CTNNA3: variants seen among roughly 807,000 people sequenced by gnomAD.
The protein encoded by CTNNA3 is catenin alpha-3.
A neutral mutation model predicts 95.7 loss-of-function variants in CTNNA3; 76 were observed. The observed-to-expected ratio is 0.79, with a 90% CI of 0.66 to 0.96. The LOEUF is 0.96. Ranked by LOEUF, CTNNA3 falls within the 40% of genes least tolerant of loss-of-function variation. The pLI, the probability that CTNNA3 is intolerant of heterozygous loss-of-function variation, is 0.00. For missense variants in CTNNA3, 1,191 were observed against 1,089.8 expected, an observed-to-expected ratio of 1.09 and a Z score of -1.31; for synonymous variants, 431 against 374.4, an observed-to-expected ratio of 1.15 and a Z score of -1.74.
chr10:67,700,438 G>A (rs1238096736), upstream of CTNNA3, among the ~76,000 whole-genome samples: 2 of 152,166 alleles, frequency 1.3e-5, no homozygotes, highest in Admixed American at 1.3e-4. Context: ...ACTTGCAGAG[G>A]AACGATCAGA....
chr10:66,120,926 A>G lies in CTNNA3; in HGVS notation c.1885-17677T>C, dbSNP rs1473093052. On this transcript the variant is annotated intron_variant, in intron 13 of 17. Transcript: ENST00000433211. ...GATTGTGCACTCCTTGTTGTCCCCT[A>G]ATGCACATGGAAGTATGCAACAGAA... Among the ~76,000 whole-genome samples the G allele has an allele frequency of 5.3e-5, 8 of 152,304 alleles. No individual in the cohort carries two copies. The East Asian group carries it at 1.5e-3, about 29-fold the overall frequency.
At chr10:66,241,687 C>A in intron 13 of CTNNA3, among the ~76,000 whole-genome samples, 1 of 136,416 alleles carries the variant, frequency 7.3e-6, no homozygotes, top group Admixed American at 7.8e-5. Context: ...AATGATATGG[C>A]TATAGAAAGA....
chr10:66,626,888 A>G (rs1190140080), intron 9 of CTNNA3, among the ~76,000 whole-genome samples: 1 of 151,916 alleles, frequency 6.6e-6, no homozygotes, highest in African/African-American at 2.4e-5. Flanking sequence ...CTCCCAGGTG[A>G]TTCTGATATA....
At chr10:66,745,932 T>C (rs1838851622) in intron 9 of CTNNA3, among the ~76,000 whole-genome samples, 1 of 152,040 alleles carries the variant, frequency 6.6e-6, no homozygotes, top group South Asian at 2.1e-4. Context: ...GCTGATAACA[T>C]AGCTGGGAAG....
chr10:67,022,100 G>A (rs1853056081), intron 7 of CTNNA3, among the ~76,000 whole-genome samples: 1 of 152,150 alleles, frequency 6.6e-6, no homozygotes, highest in Non-Finnish European at 1.5e-5. Flanking sequence ...CTTCCCTGAA[G>A]TAGCTTGTAT....
intron 13 of CTNNA3, among the ~76,000 whole-genome samples, chr10:66,163,930 G>A (rs1383507549): frequency 6.6e-6 from 1 of 152,138 alleles, no homozygotes; most frequent in Admixed American, 6.5e-5. Flanking sequence ...TAAGTACCAT[G>A]GAAGTGTTTG....
chr10:66,454,048 C>T (rs532833604), intron 11 of CTNNA3, among the ~76,000 whole-genome samples: 1 of 131,302 alleles, frequency 7.6e-6, no homozygotes, highest in Admixed American at 7.6e-5. Flanking sequence ...AGTAGGTCAG[C>T]GTGATGAGTT....
At chr10:66,744,789 C>A (rs1421888813) in intron 9 of CTNNA3, among the ~76,000 whole-genome samples, 2 of 152,050 alleles carry the variant, frequency 1.3e-5, no homozygotes, top group Non-Finnish European at 1.5e-5. Context: ...GTAATTAAGC[C>A]TCTTTTGTGT....
At chr10:67,550,165 T>G (rs1840974105) in intron 3 of CTNNA3, among the ~76,000 whole-genome samples, 1 of 152,208 alleles carries the variant, frequency 6.6e-6, no homozygotes, top group Admixed American at 6.5e-5. Context: ...AAGTTGAGTT[T>G]ATCCCTTAAA....
In CTNNA3 at chr10:67,131,041, A is replaced by G. The variant is rs552357697; in HGVS notation, c.1047+49276T>C. 1.7e-3 allele frequency among the ~76,000 whole-genome samples: 261 copies of G among 152,202 alleles called. 2 individuals are homozygous for G. Among genetic ancestry groups the G allele is most frequent in the African/African-American group, 6.0e-3 (248 of 41,550 alleles). On this transcript the variant is annotated intron_variant, in intron 7 of 17. Transcript: ENST00000433211. ...TTAAAGAAACTTGGCTCCATTTTTT[A>G]CCTTATCCTGCTTATACTTGCAATA...
chr10:65,922,200 G>T (rs2077098428), intron 17 of CTNNA3, among the ~76,000 whole-genome samples: 2 of 152,114 alleles, frequency 1.3e-5, no homozygotes, highest in South Asian at 4.1e-4. Flanking sequence ...ATATCAAATA[G>T]TTAAATAAAT....
At chr10:65,939,901 T>A (rs1052653232) in intron 17 of CTNNA3, among the ~76,000 whole-genome samples, 13 of 152,244 alleles carry the variant, frequency 8.5e-5, no homozygotes, top group African/African-American at 3.1e-4. Flanking sequence ...TATTCTTGAT[T>A]AATAAAGAGG....
chr10:67,607,556 G>C (rs891274382), intron 2 of CTNNA3, among the ~76,000 whole-genome samples: 1 of 152,082 alleles, frequency 6.6e-6, no homozygotes, highest in Non-Finnish European at 1.5e-5. Flanking sequence ...AGGCAGGAGA[G>C]GCAGGCACAC....
intron 11 of CTNNA3, among the ~76,000 whole-genome samples, chr10:66,442,177 A>C (rs2093379745): frequency 6.6e-6 from 1 of 152,156 alleles, no homozygotes; most frequent in African/African-American, 2.4e-5. Flanking sequence ...TATATTAGTT[A>C]TTATAAGTAA....
chr10:66,530,270 C>T (rs1041294928), intron 10 of CTNNA3, among the ~76,000 whole-genome samples: 1 of 152,058 alleles, frequency 6.6e-6, no homozygotes. Flanking sequence ...TATGATGCCT[C>T]GAATACATCT....
chr10:67,000,784 G>T (rs1050252701), intron 7 of CTNNA3, among the ~76,000 whole-genome samples: 9 of 152,052 alleles, frequency 5.9e-5, no homozygotes, highest in African/African-American at 2.2e-4. Flanking sequence ...TATGGGGAGC[G>T]CATTATGAAG....
intron 5 of CTNNA3, among the ~76,000 whole-genome samples, chr10:67,256,324 C>A (rs1242240443): frequency 6.6e-6 from 1 of 152,190 alleles, no homozygotes; most frequent in East Asian, 1.9e-4. Context: ...GATTGTATAC[C>A]AAGATTATGC....
At chr10:67,702,778 G>C (rs563161925) in intron 1 of CTNNA3, among the ~76,000 whole-genome samples, 3 of 152,238 alleles carry the variant, frequency 2.0e-5, no homozygotes, top group Admixed American at 6.5e-5. Context: ...ACTAAGATCA[G>C]AGCAGAACTG....
rs893728944 is a variant in CTNNA3, at chr10:66,591,792, G to T, written c.1374+29900C>A. On this transcript the variant is annotated intron_variant, in intron 10 of 17. Transcript: ENST00000433211. ...AAAATCCCCTTAAATATAATATTCAGAAATAATACAACACTCCAAATAAGC... is the reference window on the plus strand; with the variant it reads ...AAAATCCCCTTAAATATAATATTCATAAATAATACAACACTCCAAATAAGC... Among the ~76,000 whole-genome samples the T allele has an allele frequency of 9.9e-5, 15 of 151,766 alleles. 1 individual carries two copies. Among genetic ancestry groups the T allele is most frequent in the Non-Finnish European group, 2.2e-4 (15 of 67,950 alleles).
Sources: allele counts gnomAD v4.1 joint callset (sites outside exome capture counted in the v4.1 genomes callset), GRCh38; gene constraint gnomAD v4.1.1; transcripts MANE v1.5; gene names NCBI Gene and HGNC (gene_info 2026-07-23, HGNC 2026-07-21).